Variants in SEMA3E observed in about 807,000 individuals in gnomAD.
SEMA3E encodes semaphorin-3E.
Under a neutral mutation model 93.6 loss-of-function variants are expected in SEMA3E, and 49 were observed. That is an observed-to-expected ratio of 0.52 (90% CI 0.42 to 0.66). SEMA3E has a LOEUF of 0.66. Among genes scored for constraint, SEMA3E ranks in the 30% least tolerant of loss-of-function variants. SEMA3E has a pLI of 0.00. For missense variants in SEMA3E, 906 were observed against 964.8 expected, an observed-to-expected ratio of 0.94 and a Z score of 0.81; for synonymous variants, 363 against 330.7, an observed-to-expected ratio of 1.10 and a Z score of -1.06.
intron 4 of SEMA3E, among the ~76,000 whole-genome samples, chr7:83,460,290 T>G (rs1789583398): frequency 6.6e-6 from 1 of 152,098 alleles, no homozygotes; most frequent in Non-Finnish European, 1.5e-5. Context: ...TCTTACTCTC[T>G]TCTCCAACCT....
intron 10 of SEMA3E, among the ~76,000 whole-genome samples, chr7:83,401,680 AAC>A (rs1788236829): frequency 6.6e-6 from 1 of 152,124 alleles, no homozygotes; most frequent in African/African-American, 2.4e-5. Context: ...GTAAAGCTTT[AAC>A]ACTTGTTAAT....
intron 4 of SEMA3E, among the ~76,000 whole-genome samples, chr7:83,433,716 G>A (rs1323667710): frequency 9.9e-5 from 15 of 151,984 alleles, no homozygotes; most frequent in Admixed American, 9.8e-4. Context: ...AATTTCTAGA[G>A]GTGTTAAATG....
intron 1 of SEMA3E, among the ~76,000 whole-genome samples, chr7:83,633,547 A>G (rs1472590340): frequency 6.6e-6 from 1 of 152,220 alleles, no homozygotes; most frequent in Non-Finnish European, 1.5e-5. Context: ...TTAGGGAAAC[A>G]TAATTTATAT....
At chr7:83,387,341 A>T in intron 14 of SEMA3E, among the ~76,000 whole-genome samples, 1 of 149,140 alleles carries the variant, frequency 6.7e-6, no homozygotes, top group South Asian at 2.1e-4. Flanking sequence ...TTAGTTCAAC[A>T]AGAAATCTTC....
At chr7:83,548,890 C>T (rs1238640505) in intron 1 of SEMA3E, among the ~76,000 whole-genome samples, 1 of 152,044 alleles carries the variant, frequency 6.6e-6, no homozygotes, top group African/African-American at 2.4e-5. Context: ...CTATTCCTCC[C>T]TCTCCTCCTC....
chr7:83,471,730 G>A (rs1789900260), intron 2 of SEMA3E, among the ~76,000 whole-genome samples: 1 of 152,084 alleles, frequency 6.6e-6, no homozygotes, highest in Non-Finnish European at 1.5e-5. Flanking sequence ...TATTATTAGT[G>A]AATGAAGTAT....
chr7:83,392,517 T>C, intron 14 of SEMA3E, 38 bp downstream of exon 14: 1 of 1,595,968 alleles, frequency 6.3e-7, no homozygotes, highest in Non-Finnish European at 8.6e-7. Flanking sequence ...AGGGTTTTCC[T>C]AAGCAAGGGA....
At chr7:83,411,519 T>G in intron 5 of SEMA3E, among the ~76,000 whole-genome samples, 1 of 152,178 alleles carries the variant, frequency 6.6e-6, no homozygotes, top group Admixed American at 6.5e-5. Flanking sequence ...TTTAGCAAAA[T>G]ACTTTCCTAA....
chr7:83,517,659 G>C (rs1233752934), intron 1 of SEMA3E, among the ~76,000 whole-genome samples: 1 of 152,082 alleles, frequency 6.6e-6, no homozygotes, highest in African/African-American at 2.4e-5. Context: ...GAAGCCTAGA[G>C]CTGCCAAACT....
intron 1 of SEMA3E, among the ~76,000 whole-genome samples, chr7:83,600,608 A>G (rs988224104): frequency 2.0e-4 from 30 of 147,288 alleles, no homozygotes; most frequent in African/African-American, 7.6e-4. Context: ...CGGCCTCCCA[A>G]AGTGCTGGGA....
At chr7:83,466,758 C>T (rs551202640) in intron 3 of SEMA3E, among the ~76,000 whole-genome samples, 157 bp from the exon 4 acceptor site, 1 of 152,236 alleles carries the variant, frequency 6.6e-6, no homozygotes, top group Admixed American at 6.5e-5. Context: ...AGGACAAGAA[C>T]TTGGAGAAGA....
Position 83,387,197 on chromosome 7 carries a change from T to G in SEMA3E, c.1668-147A>C, listed in dbSNP as rs1368125260. ...AAAAAAGAATAAAATCCAAGTTTCA[T>G]AGTTTTTCATATTTCCATTATATGT... On this transcript the variant is annotated intron_variant, in intron 14 of 16. Transcript: ENST00000643230. 5 of 702,788 alleles carry G rather than the reference T, an allele frequency of 7.1e-6. No homozygotes were observed. The East Asian group carries it at 8.2e-5, about 12-fold the overall frequency. The allele number at this position is 702,788 out of a possible 1,614,324, so 43.5% of individuals were successfully genotyped here.
chr7:83,615,664 G>A (rs371827501), intron 1 of SEMA3E, among the ~76,000 whole-genome samples: 2 of 152,078 alleles, frequency 1.3e-5, no homozygotes, highest in African/African-American at 4.8e-5. Context: ...CAGTTGGAAG[G>A]GATTTGCACC....
chr7:83,602,427 A>G (rs1455947661), intron 1 of SEMA3E, among the ~76,000 whole-genome samples: 1 of 152,086 alleles, frequency 6.6e-6, no homozygotes, highest in African/African-American at 2.4e-5. Flanking sequence ...TCCCCTATCC[A>G]GACAGATATG....
At chr7:83,551,083 A>G (rs1179618123) in intron 1 of SEMA3E, among the ~76,000 whole-genome samples, 1 of 152,152 alleles carries the variant, frequency 6.6e-6, no homozygotes, top group Non-Finnish European at 1.5e-5. Context: ...TGTTGGTAGA[A>G]CTATAAGTTG....
intron 1 of SEMA3E, among the ~76,000 whole-genome samples, chr7:83,547,071 T>C (rs1791666712): frequency 6.6e-6 from 1 of 152,156 alleles, no homozygotes; most frequent in African/African-American, 2.4e-5. Flanking sequence ...TGTCAACCAA[T>C]TGCCTATGTG....
At chr7:83,380,704 T>A (rs1029287939) in intron 16 of SEMA3E, among the ~76,000 whole-genome samples, 4 of 151,962 alleles carry the variant, frequency 2.6e-5, no homozygotes, top group East Asian at 3.9e-4. Flanking sequence ...CATATAATTA[T>A]CTGTTTGCAC....
In SEMA3E at chr7:83,392,602, A is replaced by G. The variant is rs1274792757; in HGVS notation, c.1620T>C (p.Asp540=). The G allele has an allele frequency of 2.5e-6, 4 of 1,613,832 alleles. No individual in the cohort carries two copies. The highest frequency in any genetic ancestry group is 3.4e-6 in the Non-Finnish European group (4 of 1,179,862). Residue 540 remains aspartate, a synonymous_variant, in exon 14 of 17, where the codon GAT becomes GAC. Coordinates refer to ENST00000643230, the MANE Select transcript of SEMA3E (RefSeq NM_012431.3). ...CLARDPYCAW[D]GISCSRYYPT... is the part of the protein sequence containing the mutation. ...GGTAATACCGGGAGCAGGATATGCC[A>G]TCCCAGGCACAGTAAGGGTCTCGAG...
intron 4 of SEMA3E, among the ~76,000 whole-genome samples, chr7:83,454,289 A>ATATG (rs1456559896): frequency 1.4e-5 from 2 of 138,078 alleles, no homozygotes; most frequent in African/African-American, 5.3e-5. Context: ...ATATATATAT[A>ATATG]TATATATAAT....
Sources: gnomAD v4.1 joint callset for allele counts (sites outside exome capture counted in the v4.1 genomes callset) on GRCh38, gnomAD v4.1.1 for gene constraint, MANE v1.5 for transcripts, NCBI Gene and HGNC (gene_info 2026-07-23, HGNC 2026-07-21) for gene names.